TICAM1: variants seen among roughly 807,000 people sequenced by gnomAD.
The protein encoded by TICAM1 is TIR domain-containing adapter molecule 1.
For synonymous variants in TICAM1, 439 were observed against 415.4 expected (o/e 1.06, Z -0.69); for missense variants, 895 against 938.2 (o/e 0.95, Z 0.60).
At chr19:4,827,924 G>C (rs1332225283) in intron 1 of TICAM1, among the ~76,000 whole-genome samples, 1 of 151,964 alleles carries the variant, frequency 6.6e-6, no homozygotes, top group Non-Finnish European at 1.5e-5. Context: ...TGTTTCCTGG[G>C]AACGGTTGTG....
In TICAM1 at chr19:4,816,784, T is replaced by G; in HGVS notation, c.1594A>C (p.Arg532=). ...RKVANTFKPH[R]LQARKAMWRK... is the part of the protein sequence containing the mutation. ...CACATGGCCTTTCGGGCCTGAAGCC[T>G]GTGGGGCTTGAAGGTGTTGGCCACC... The change falls in exon 2 of 2, where the codon AGG becomes CGG. Residue 532 remains arginine (R), a synonymous_variant. Transcript: ENST00000248244. This position sits in a 1 kb window ranked among gnomAD's most constrained non-coding sequence, Gnocchi z 4.3. The G allele has an allele frequency of 6.2e-7, 1 of 1,613,506 alleles. No homozygotes were observed. The highest frequency in any genetic ancestry group is 8.5e-7 in the Non-Finnish European group (1 of 1,180,026).
Position 4,818,156 on chromosome 19 carries a change from G to A in TICAM1, c.222C>T (p.Ala74=), listed in dbSNP as rs1568365588. Residue 74 remains alanine (A), a synonymous_variant, in exon 2 of 2, where the codon GCC becomes GCT. Transcript: ENST00000248244. The surrounding 1 kb of genome is among the most constrained non-coding windows in gnomAD (Gnocchi z 4.0). The part of the protein sequence containing the change: ...LKADAVARLV[A]RQWAGVDSTE... ...TGCTGTCCACGCCAGCCCACTGGCG[G>A]GCCACCAGCCGGGCCACCGCATCGG... The A allele has an allele frequency of 1.2e-6, 2 of 1,609,488 alleles. No individual in the cohort carries two copies. The highest frequency in any genetic ancestry group is 8.5e-7 in the Non-Finnish European group (1 of 1,179,592).
intron 1 of TICAM1, among the ~76,000 whole-genome samples, 161 bp downstream of exon 1, chr19:4,831,453 A>G (rs558537568): frequency 1.1e-4 from 16 of 151,592 alleles, no homozygotes; most frequent in East Asian, 9.7e-4. Context: ...GGGAACGTCA[A>G]CCTCCCAACG....
At position 4,816,059 on chromosome 19, in the gene TICAM1, A is replaced by AG. The variant is rs1303730782; in HGVS notation, c.*179dup. ...TCCAGTTCTGACCACCCTGAAAGCC[A>AG]GGGCATCATCGCGCCCGTTTTGTCC... is the stretch of plus-strand genomic sequence containing the variant. On this transcript the variant is annotated 3_prime_UTR_variant, in exon 2 of 2. Transcript: ENST00000248244. The surrounding 1 kb of genome is among the most constrained non-coding windows in gnomAD (Gnocchi z 4.3). 1.1e-6 allele frequency: 1 copy of AG among 925,074 alleles called. No individual in the cohort carries two copies. Among genetic ancestry groups the AG allele is most frequent in the Non-Finnish European group, 1.4e-6 (1 of 701,104 alleles). The allele number at this position is 925,074 out of a possible 1,614,324, so 57.3% of individuals were successfully genotyped here.
chr19:4,817,091 C>T lies in TICAM1; in HGVS notation c.1287G>A (p.Glu429=). The T allele has an allele frequency of 1.2e-6, 2 of 1,614,158 alleles. No homozygotes were observed. Among genetic ancestry groups the T allele is most frequent in the Non-Finnish European group, 1.7e-6 (2 of 1,180,030 alleles). The change falls in exon 2 of 2, where the codon GAG becomes GAA. Residue 429 remains glutamate, a synonymous_variant. Transcript: ENST00000248244. The surrounding 1 kb of genome is among the most constrained non-coding windows in gnomAD (Gnocchi z 4.7). Reference sequence around the variant, plus strand: ...CCCCGCGCCCCGGCACCTGGAAATCCTCGCAGAAGGTGGCCCCGTCGGGCA... The same window carrying T: ...CCCCGCGCCCCGGCACCTGGAAATCTTCGCAGAAGGTGGCCCCGTCGGGCA... ...LGVPDGATFC[E]DFQVPGRGEL...
intron 1 of TICAM1, among the ~76,000 whole-genome samples, chr19:4,829,805 CTTTTTTTT>C (rs539314470): frequency 6.8e-5 from 6 of 87,646 alleles, no homozygotes; most frequent in African/African-American, 9.0e-5. Flanking sequence ...AATTTCATTT[CTTTTTTTT>C]TTTTTTTTTT....
chr19:4,830,052 C>T (rs1445602322), intron 1 of TICAM1, among the ~76,000 whole-genome samples: 1 of 148,304 alleles, frequency 6.7e-6, no homozygotes, highest in Non-Finnish European at 1.5e-5. Flanking sequence ...CTCAGGTGAT[C>T]TGCCTGGGAT....
chr19:4,823,013 T>G (rs1378140133), intron 1 of TICAM1, among the ~76,000 whole-genome samples: 1 of 152,166 alleles, frequency 6.6e-6, no homozygotes, highest in Non-Finnish European at 1.5e-5. Context: ...TTTGTTTGTT[T>G]TTGATGTTGA....
At chr19:4,821,600 C>T (rs4807650) in intron 1 of TICAM1, among the ~76,000 whole-genome samples, 87,443 of 151,216 alleles carry the variant, frequency 0.58, 26,427 homozygotes, top group African/African-American at 0.76. Flanking sequence ...CTGATCCCAC[C>T]GTGCAGATCT....
Position 4,817,334 on chromosome 19 carries a change from C to A in TICAM1, c.1044G>T (p.Pro348=), listed in dbSNP as rs772969793. 6.2e-7 allele frequency: 1 copy of A among 1,612,882 alleles called. No homozygotes were observed. The highest frequency in any genetic ancestry group is 1.1e-5 in the South Asian group (1 of 91,058). Residue 348 remains proline (P), a synonymous_variant, in exon 2 of 2, where the codon CCG becomes CCT. Transcript: ENST00000248244. This position sits in a 1 kb window ranked among gnomAD's most constrained non-coding sequence, Gnocchi z 4.7. ...CTGGGGTGGTGGGAGTAGGTGGGCA[C>A]GGCTTGGTATTTGGAGAGGTGGTAT... ...VEDTTSPNTK[P]CPPTPTTPET...
In TICAM1 at chr19:4,817,509, G is replaced by A. The variant is rs768443709; in HGVS notation, c.869C>T (p.Thr290Ile). The A allele has an allele frequency of 5.6e-6, 9 of 1,613,818 alleles. No homozygotes were observed. The highest frequency in any genetic ancestry group is 6.8e-6 in the Non-Finnish European group (8 of 1,179,974). ...GGTGCTGGTTTCTGGAGCTGCGGGG[G>A]TATCAGGGAGGCCAGTGGAGGTTGC... ...PDATSTGLPD[T>I]PAAPETSTNY... Residue 290 changes from threonine (T) to isoleucine (I), a missense_variant, in exon 2 of 2, where the codon ACC becomes ATC. By Grantham distance (89) the Thr-to-Ile change is moderately conservative. Transcript: ENST00000248244. The surrounding 1 kb of genome is among the most constrained non-coding windows in gnomAD (Gnocchi z 4.7).
chr19:4,820,150 G>C (rs1279897858), intron 1 of TICAM1, among the ~76,000 whole-genome samples: 1 of 152,152 alleles, frequency 6.6e-6, no homozygotes, highest in Admixed American at 6.6e-5. Flanking sequence ...GCCAGGCGCA[G>C]TGGCTCACGC....
intron 1 of TICAM1, among the ~76,000 whole-genome samples, chr19:4,825,575 C>T (rs2146178878): frequency 6.6e-6 from 1 of 151,306 alleles, no homozygotes; most frequent in Admixed American, 6.6e-5. Flanking sequence ...TGCCTATAAT[C>T]CCAGTACTTT....
chr19:4,827,484 G>A (rs777425287), intron 1 of TICAM1, among the ~76,000 whole-genome samples: 4 of 128,952 alleles, frequency 3.1e-5, no homozygotes, highest in African/African-American at 9.2e-5. Flanking sequence ...GGCTGGGCGC[G>A]GTGGCTCACG....
Position 4,816,566 on chromosome 19 carries a change from C to A in TICAM1, c.1812G>T (p.Gly604=). ...CCTGGCCCCCAAAGGGCATTCGAGC[C>A]CCATAGGGCGCCCCAGTCCCAAATG... ...HMSFGTGAPY[G]ARMPFGGQVP... The change falls in exon 2 of 2, where the codon GGG becomes GGT. Residue 604 remains glycine, a synonymous_variant. Coordinates refer to ENST00000248244, the MANE Select transcript of TICAM1 (RefSeq NM_182919.4). The surrounding 1 kb of genome is among the most constrained non-coding windows in gnomAD (Gnocchi z 4.3). 6.2e-7 allele frequency: 1 copy of A among 1,612,394 alleles called. No individual in the cohort carries two copies. Among genetic ancestry groups the A allele is most frequent in the Non-Finnish European group, 8.5e-7 (1 of 1,179,746 alleles).
Position 4,818,121 on chromosome 19 carries a change from G to C in TICAM1, c.257C>G (p.Pro86Arg). ...CCAGGACACATCTGGGGGCTCCTCT[G>C]GGTCCTCGGTGCTGTCCACGCCAGC... ...QWAGVDSTEDPEEPPDVSWAV... is the reference protein window; with the variant it reads ...QWAGVDSTEDREEPPDVSWAV... The change falls in exon 2 of 2, where the codon CCA (proline) becomes CGA (arginine). Residue 86 changes from proline (P) to arginine (R), a missense_variant. Pro to Arg is a moderately radical substitution (Grantham distance 103). Coordinates refer to ENST00000248244, the MANE Select transcript of TICAM1 (RefSeq NM_182919.4). The surrounding 1 kb of genome is among the most constrained non-coding windows in gnomAD (Gnocchi z 4.0). 6.2e-7 allele frequency: 1 copy of C among 1,608,606 alleles called. No individual in the cohort carries two copies. The highest frequency in any genetic ancestry group is 8.5e-7 in the Non-Finnish European group (1 of 1,179,736).
At chr19:4,821,882 G>A (rs1482900665) in intron 1 of TICAM1, among the ~76,000 whole-genome samples, 1 of 150,840 alleles carries the variant, frequency 6.6e-6, no homozygotes, top group Non-Finnish European at 1.5e-5. Context: ...AACCTCAGGT[G>A]ATCTGCCTGT....
chr19:4,818,491 G>T lies in TICAM1; in HGVS notation c.-114C>A. The stretch of plus-strand genomic sequence containing the variant: ...GTCCCCTACCCATTCACTGTTCCAG[G>T]TTCTGCAGGAGCTGCCCAAGCAGAT... On this transcript the variant is annotated 5_prime_UTR_variant, in exon 2 of 2. Coordinates refer to ENST00000248244, the MANE Select transcript of TICAM1 (RefSeq NM_182919.4). This position sits in a 1 kb window ranked among gnomAD's most constrained non-coding sequence, Gnocchi z 4.0. The T allele has an allele frequency of 6.9e-7, 1 of 1,442,446 alleles. No homozygotes were observed. Among genetic ancestry groups the T allele is most frequent in the South Asian group, 1.5e-5 (1 of 65,860 alleles). 89.4% of individuals were successfully genotyped at this position (1,442,446 alleles called of 1,614,324 possible).
Position 4,817,339 on chromosome 19 carries a change from T to C in TICAM1, c.1039A>G (p.Lys347Glu). 6.2e-7 allele frequency: 1 copy of C among 1,612,742 alleles called. No homozygotes were observed. The highest frequency in any genetic ancestry group is 1.1e-5 in the South Asian group (1 of 91,042). The change falls in exon 2 of 2, where the codon AAG becomes GAG. Residue 347 changes from lysine (K) to glutamate (E), a missense_variant. Lys to Glu is a moderately conservative substitution (Grantham distance 56, BLOSUM62 1). Coordinates refer to ENST00000248244, the MANE Select transcript of TICAM1 (RefSeq NM_182919.4). This position sits in a 1 kb window ranked among gnomAD's most constrained non-coding sequence, Gnocchi z 4.7. Reference protein sequence around the residue: ...SVEDTTSPNTKPCPPTPTTPE... With the variant: ...SVEDTTSPNTEPCPPTPTTPE... Reference sequence around the variant, plus strand: ...GTGGTGGGAGTAGGTGGGCACGGCTTGGTATTTGGAGAGGTGGTATCTTCT... The same window carrying C: ...GTGGTGGGAGTAGGTGGGCACGGCTCGGTATTTGGAGAGGTGGTATCTTCT...
Sources: gnomAD v4.1 joint callset for allele counts (sites outside exome capture counted in the v4.1 genomes callset) on GRCh38, gnomAD v4.1.1 for gene constraint, Gnocchi (gnomAD v3.1) non-coding constraint, MANE v1.5 for transcripts, NCBI Gene and HGNC (gene_info 2026-07-23, HGNC 2026-07-21) for gene names.